The following TBC1D20 variants were observed in gnomAD, a reference collection of about 807,000 sequenced individuals.
TBC1D20 encodes chromosome 20 open reading frame 140.
A neutral mutation model predicts 41.6 loss-of-function variants in TBC1D20; 12 were observed. That is an observed-to-expected ratio of 0.29 (90% CI 0.18 to 0.47). The LOEUF is 0.47. TBC1D20 is among the 20% of genes least tolerant of loss of function. The pLI, the probability that TBC1D20 is intolerant of heterozygous loss-of-function variation, is 1.00. For missense variants in TBC1D20, 421 were observed against 517.4 expected, an observed-to-expected ratio of 0.81 and a Z score of 1.81; for synonymous variants, 205 against 204.8, an observed-to-expected ratio of 1.00 and a Z score of -0.01.
chr20:449,153 C>CTTT (rs757303718), intron 1 of TBC1D20, among the ~76,000 whole-genome samples: 1,017 of 93,598 alleles, frequency 0.011, 62 homozygotes, highest in South Asian at 0.023. Context: ...CCTATATGTA[C>CTTT]TTTTTTTTTT....
At chr20:458,685 C>T (rs947042943) in intron 1 of TBC1D20, among the ~76,000 whole-genome samples, 2 of 152,102 alleles carry the variant, frequency 1.3e-5, no homozygotes, top group African/African-American at 4.8e-5. Flanking sequence ...TCTGTGGGAA[C>T]GCAACAAATA....
intron 2 of TBC1D20, 97 bp from the exon 3 acceptor site, chr20:445,227 G>T: frequency 1.2e-6 from 1 of 825,630 alleles, no homozygotes; most frequent in Non-Finnish European, 2.0e-6. Flanking sequence ...GAGGGCACAT[G>T]TCAGCTTCTC....
chr20:447,833 C>A, intron 2 of TBC1D20, 56 bp downstream of exon 2: 2 of 1,454,734 alleles, frequency 1.4e-6, no homozygotes, highest in East Asian at 2.3e-5. Context: ...TCCTGGAATT[C>A]TTTTCCCCCT....
intron 1 of TBC1D20, among the ~76,000 whole-genome samples, chr20:458,314 AT>A (rs759935413): frequency 1.6e-3 from 223 of 143,306 alleles, no homozygotes; most frequent in Admixed American, 2.7e-3. Flanking sequence ...CTCTGTTCCA[AT>A]TTTTTTTTTT....
chr20:458,144 C>T (rs750580505), intron 1 of TBC1D20, among the ~76,000 whole-genome samples: 5 of 151,948 alleles, frequency 3.3e-5, no homozygotes, highest in African/African-American at 1.2e-4. Context: ...ATAAGCTATT[C>T]GGCAATCTGG....
chr20:453,083 T>C lies in TBC1D20; in HGVS notation c.71-5009A>G, dbSNP rs79230020. 7.9e-4 allele frequency among the ~76,000 whole-genome samples: 98 copies of C among 123,920 alleles called. No individual in the cohort carries two copies. The East Asian group carries it at 0.023, about 29-fold the overall frequency. 81.3% of individuals were successfully genotyped at this position (123,920 alleles called of 152,430 possible). On this transcript the variant is annotated intron_variant, in intron 1 of 7. Coordinates refer to ENST00000354200, the MANE Select transcript of TBC1D20 (RefSeq NM_144628.4). Reference sequence around the variant, plus strand: ...ATCGCTTGAACCCAGGGGGCGGAGATTGAGGTAAGCTGAGATTGCAGATCG... The same window carrying C: ...ATCGCTTGAACCCAGGGGGCGGAGACTGAGGTAAGCTGAGATTGCAGATCG...
At chr20:445,346 C>A (rs2017312736) in intron 2 of TBC1D20, among the ~76,000 whole-genome samples, 2 of 152,152 alleles carry the variant, frequency 1.3e-5, no homozygotes, top group Non-Finnish European at 2.9e-5. Context: ...GAAGGGAGCA[C>A]AGACTGCCCA....
chr20:453,808 C>A (rs1196487343), intron 1 of TBC1D20, among the ~76,000 whole-genome samples: 1 of 146,564 alleles, frequency 6.8e-6, no homozygotes, highest in African/African-American at 2.6e-5. Flanking sequence ...TCTCAGCCTC[C>A]CAAAGTACTG....
intron 1 of TBC1D20, among the ~76,000 whole-genome samples, chr20:452,107 G>A (rs1023012977): frequency 6.6e-6 from 1 of 152,134 alleles, no homozygotes; most frequent in Non-Finnish European, 1.5e-5. Context: ...AGGTGTTCGA[G>A]ACCAGCCTGA....
chr20:450,454 G>T (rs1049112467), intron 1 of TBC1D20, among the ~76,000 whole-genome samples: 2 of 152,118 alleles, frequency 1.3e-5, no homozygotes, highest in East Asian at 3.9e-4. Flanking sequence ...CCAACACAGA[G>T]ATGTTTTCAA....
At chr20:452,474 C>T (rs6076555) in intron 1 of TBC1D20, among the ~76,000 whole-genome samples, 9,774 of 152,026 alleles carry the variant, frequency 0.064, 377 homozygotes, top group African/African-American at 0.11. Flanking sequence ...ACAAAAAGTA[C>T]GAAAAGTTAG....
In TBC1D20 at chr20:453,539, CATT is replaced by C. The variant is rs1278968403; in HGVS notation, c.71-5468_71-5466del. Among the ~76,000 whole-genome samples, 7 of 109,724 alleles carry C rather than the reference CATT, an allele frequency of 6.4e-5. 1 individual carries two copies. Among genetic ancestry groups the C allele is most frequent in the African/African-American group, 2.7e-4 (7 of 25,748 alleles). 72.0% of individuals were successfully genotyped at this position (109,724 alleles called of 152,430 possible). On this transcript the variant is annotated intron_variant, in intron 1 of 7. Coordinates refer to ENST00000354200, the MANE Select transcript of TBC1D20 (RefSeq NM_144628.4). ...ACGGTGGCTCGTGCCTGTAATCCAG[CATT>C]TTTTTTTTTTTTTTTTTTTTTGAGA...
intron 1 of TBC1D20, among the ~76,000 whole-genome samples, chr20:460,213 G>T (rs890252880): frequency 6.6e-6 from 1 of 151,908 alleles, no homozygotes; most frequent in Non-Finnish European, 1.5e-5. Flanking sequence ...GGAAGGGGGG[G>T]GCCGTTTTGT....
At chr20:458,135 T>A (rs968765601) in intron 1 of TBC1D20, among the ~76,000 whole-genome samples, 9 of 152,066 alleles carry the variant, frequency 5.9e-5, no homozygotes, top group Non-Finnish European at 1.3e-4. Context: ...TCTTTCTAAA[T>A]AAGCTATTCG....
chr20:462,203 C>T, intron 1 of TBC1D20, 133 bp downstream of exon 1: 1 of 424,170 alleles, frequency 2.4e-6, no homozygotes, highest in Non-Finnish European at 3.1e-6. Context: ...CAGCCTGTTC[C>T]TCTCGCCGCC....
chr20:461,964 G>A (rs2017638893), intron 1 of TBC1D20, among the ~76,000 whole-genome samples: 3 of 152,238 alleles, frequency 2.0e-5, no homozygotes. Flanking sequence ...CGGGGAGGCG[G>A]CTCCGGGAGC....
chr20:441,782 A>C, intron 4 of TBC1D20, 75 bp downstream of exon 4: 6 of 1,594,642 alleles, frequency 3.8e-6, no homozygotes, highest in Non-Finnish European at 5.2e-6. Context: ...AGCTGACCAG[A>C]AAACAGGCCA....
intron 1 of TBC1D20, among the ~76,000 whole-genome samples, chr20:454,321 T>G (rs1318914078): frequency 6.6e-6 from 1 of 151,550 alleles, no homozygotes; most frequent in Non-Finnish European, 1.5e-5. Context: ...CGAGTTGCCT[T>G]GTTACAATAA....
rs1284960498 is a variant in TBC1D20 at position 436,527 on chromosome 20, C to G, written c.*2059G>C. ...AGCTGTGGCCTTGGGACCCTGGTCA[C>G]ATGCACCTCCTTTCCTCAACCCCAT... On this transcript the variant is annotated 3_prime_UTR_variant, in exon 8 of 8. Coordinates refer to ENST00000354200, the MANE Select transcript of TBC1D20 (RefSeq NM_144628.4). 1 of 153,706 alleles carries G rather than the reference C, an allele frequency of 6.5e-6. No individual in the cohort carries two copies. The highest frequency in any genetic ancestry group is 1.5e-5 in the Non-Finnish European group (1 of 68,054). The allele number at this position is 153,706 out of a possible 1,614,324, so 9.5% of individuals were successfully genotyped here. A position where few individuals can be genotyped will look rare whatever the true frequency, so the allele number is the denominator to read the frequency against.
Sources: allele counts gnomAD v4.1 joint callset (sites outside exome capture counted in the v4.1 genomes callset), GRCh38; gene constraint gnomAD v4.1.1; transcripts MANE v1.5; gene names NCBI Gene and HGNC (gene_info 2026-07-23, HGNC 2026-07-21).